The following UBA2 variants were observed in gnomAD, a reference collection of about 807,000 sequenced individuals.
The protein encoded by UBA2 is ubiquitin like modifier activating enzyme 2.
Under a neutral mutation model 77.2 loss-of-function variants are expected in UBA2, and 11 were observed. The observed-to-expected ratio is 0.14, with a 90% CI of 0.09 to 0.24. The LOEUF (loss-of-function observed/expected upper bound fraction) is 0.24. Ranked by LOEUF, UBA2 falls within the 10% of genes least tolerant of loss-of-function variation. UBA2 has a pLI of 1.00. For missense variants in UBA2, 487 were observed against 781.7 expected (o/e 0.62, Z 4.50); for synonymous variants, 278 against 276.7 (o/e 1.00, Z -0.05).
intron 6 of UBA2, among the ~76,000 whole-genome samples, chr19:34,441,697 A>G (rs2075371222): frequency 6.6e-6 from 1 of 151,738 alleles, no homozygotes; most frequent in African/African-American, 2.4e-5. Flanking sequence ...GAGGTGGGTG[A>G]ATCACTTGAG....
At chr19:34,466,215 T>C (rs993742612) in intron 15 of UBA2, among the ~76,000 whole-genome samples, 20 of 152,028 alleles carry the variant, frequency 1.3e-4, no homozygotes, top group Non-Finnish European at 7.4e-5. Flanking sequence ...GCGCCTATAG[T>C]CCCAGCTGCT....
At chr19:34,458,253 C>A (rs1468696367) in intron 12 of UBA2, among the ~76,000 whole-genome samples, 1 of 151,868 alleles carries the variant, frequency 6.6e-6, no homozygotes, top group Non-Finnish European at 1.5e-5. Flanking sequence ...TAGCCTTTAG[C>A]TGATTAGAAA....
intron 3 of UBA2, 111 bp from the exon 4 acceptor site, chr19:34,433,234 CTGA>C: frequency 1.4e-6 from 1 of 715,916 alleles, no homozygotes; most frequent in Non-Finnish European, 2.4e-6. Flanking sequence ...ACATATAATC[CTGA>C]TATCAGTTTT....
intron 1 of UBA2, 90 bp downstream of exon 1, chr19:34,428,660 A>G (rs2075214904): frequency 2.8e-6 from 2 of 709,062 alleles, no homozygotes; most frequent in Non-Finnish European, 3.5e-6. Flanking sequence ...TCTGAGGCTC[A>G]GGGCCCGGAG....
intron 5 of UBA2, among the ~76,000 whole-genome samples, chr19:34,435,894 G>A (rs1286917756): frequency 6.6e-6 from 1 of 151,562 alleles, no homozygotes; most frequent in Non-Finnish European, 1.5e-5. Flanking sequence ...CCCGAAGCGA[G>A]CGGATCACCT....
chr19:34,447,472 A>AT (rs2075444511), intron 8 of UBA2, among the ~76,000 whole-genome samples: 1 of 152,268 alleles, frequency 6.6e-6, no homozygotes, highest in African/African-American at 2.4e-5. Flanking sequence ...CAACAGCAGT[A>AT]TCTTCCAAAC....
intron 1 of UBA2, among the ~76,000 whole-genome samples, chr19:34,429,417 C>T (rs2075226312): frequency 6.6e-6 from 1 of 152,092 alleles, no homozygotes; most frequent in African/African-American, 2.4e-5. Flanking sequence ...CAAAAAAGTA[C>T]GGGTGGCCGA....
Position 34,447,707 on chromosome 19 carries a change from T to C in UBA2, c.772-2558T>C, listed in dbSNP as rs140193441. On this transcript the variant is annotated intron_variant, in intron 8 of 16. Coordinates refer to ENST00000246548, the MANE Select transcript of UBA2 (RefSeq NM_005499.3). ...GAAGTCAAACTTTGAACAATAAATT[T>C]CAGCTTCAGAGTCTTAATGACATTA... Among the ~76,000 whole-genome samples the C allele has an allele frequency of 7.2e-5, 11 of 152,342 alleles. No individual in the cohort carries two copies. The East Asian group carries it at 1.9e-3, about 27-fold the overall frequency.
intron 14 of UBA2, among the ~76,000 whole-genome samples, chr19:34,462,737 G>A (rs1010594627): frequency 6.6e-6 from 1 of 152,100 alleles, no homozygotes; most frequent in African/African-American, 2.4e-5. Flanking sequence ...GGGCCGAGGC[G>A]GGCAGATCAC....
intron 1 of UBA2, chr19:34,429,236 G>T: frequency 3.0e-6 from 3 of 985,420 alleles, no homozygotes; most frequent in Non-Finnish European, 3.6e-6. Flanking sequence ...ACACTCGCTT[G>T]TTTCATTAAA....
intron 7 of UBA2, 122 bp downstream of exon 7, chr19:34,444,033 GTTTTTTTTTTGTTTTT>G (rs1311781877): frequency 1.5e-4 from 30 of 203,102 alleles, no homozygotes; most frequent in Admixed American, 9.1e-4. Flanking sequence ...TTTAACATGT[GTTTTTTTTTTGTTTTT>G]TTTTTTTTTT....
chr19:34,469,456 T>C lies in UBA2; in HGVS notation c.*235T>C, dbSNP rs2075718855. 7.7e-6 allele frequency: 2 copies of C among 258,278 alleles called. No homozygotes were observed. Among genetic ancestry groups the C allele is most frequent in the East Asian group, 6.7e-5 (1 of 14,874 alleles). 16.0% of individuals were successfully genotyped at this position (258,278 alleles called of 1,614,324 possible). ...AACAAAGTGTGTGCATAACCAGTCA[T>C]GAGATAAAACAACACAATGCATGTT... On this transcript the variant is annotated 3_prime_UTR_variant, in exon 17 of 17. Transcript: ENST00000246548.
At chr19:34,453,154 A>G (rs940471066) in intron 10 of UBA2, among the ~76,000 whole-genome samples, 3 of 152,214 alleles carry the variant, frequency 2.0e-5, no homozygotes, top group African/African-American at 7.2e-5. Context: ...AGATGGGGAT[A>G]TAATTTCCCC....
chr19:34,454,663 A>C (rs2075538663), intron 12 of UBA2, 107 bp downstream of exon 12: 6 of 595,448 alleles, frequency 1.0e-5, no homozygotes, highest in Non-Finnish European at 8.0e-6. Flanking sequence ...AATTGGTTTA[A>C]AGCAATGGAA....
intron 1 of UBA2, chr19:34,429,181 G>C: frequency 7.1e-6 from 7 of 985,314 alleles, no homozygotes; most frequent in Non-Finnish European, 8.4e-6. Context: ...GAGTGGCAGG[G>C]CTCCCGCAGG....
At chr19:34,460,448 A>G in intron 13 of UBA2, 22 bp from the exon 14 acceptor site, 1 of 1,318,246 alleles carries the variant, frequency 7.6e-7, no homozygotes, top group Non-Finnish European at 1.1e-6. Flanking sequence ...AATATTTTGA[A>G]TCCTTTTTTT....
intron 2 of UBA2, 106 bp downstream of exon 2, chr19:34,430,765 C>A: frequency 1.3e-6 from 1 of 781,494 alleles, no homozygotes; most frequent in South Asian, 1.6e-5. Flanking sequence ...GTGAAGCTCT[C>A]ATTTCAGCTG....
chr19:34,458,294 G>A (rs893328206), intron 12 of UBA2, among the ~76,000 whole-genome samples: 11 of 152,040 alleles, frequency 7.2e-5, no homozygotes, highest in South Asian at 2.1e-4. Flanking sequence ...GGTGGCTCAC[G>A]CCTGTAATCC....
chr19:34,446,271 G>A (rs1449050362), intron 8 of UBA2, among the ~76,000 whole-genome samples: 1 of 152,192 alleles, frequency 6.6e-6, no homozygotes, highest in African/African-American at 2.4e-5. Flanking sequence ...ATGACCTTAA[G>A]GATATAATAA....
Sources: allele counts gnomAD v4.1 joint callset (sites outside exome capture counted in the v4.1 genomes callset), GRCh38; gene constraint gnomAD v4.1.1; transcripts MANE v1.5; gene names NCBI Gene and HGNC (gene_info 2026-07-23, HGNC 2026-07-21).